The following MAOB variants were observed in gnomAD, a reference collection of about 807,000 sequenced individuals.
MAOB encodes monoamine oxidase B.
Under a neutral mutation model 41.9 loss-of-function variants are expected in MAOB, and 15 were observed. The ratio of observed to expected loss-of-function variants is 0.36; its 90% CI spans 0.24 to 0.55. MAOB has a LOEUF of 0.55. MAOB is among the 20% of genes least tolerant of loss of function. The pLI, the probability that MAOB is intolerant of heterozygous loss-of-function variation, is 0.86. For missense variants in MAOB, 345 were observed against 398.7 expected, an observed-to-expected ratio of 0.87 and a Z score of 1.15; for synonymous variants, 167 against 144.2, an observed-to-expected ratio of 1.16 and a Z score of -1.13.
At position 43,767,406 on chromosome X, in the gene MAOB, C is replaced by T; in HGVS notation, c.*60G>A. 9.0e-7 allele frequency: 1 copy of T among 1,106,018 alleles called. No homozygotes were observed. Among genetic ancestry groups the T allele is most frequent in the Non-Finnish European group, 1.2e-6 (1 of 818,881 alleles). 91.1% of individuals were successfully genotyped at this position (1,106,018 alleles called of 1,213,427 possible). A position where few individuals can be genotyped will look rare whatever the true frequency, so the allele number is the denominator to read the frequency against. ...TCATGGAACTTTACTGCAACTCTTT[C>T]CCCAAACTCATATCCCAAATACAGT... is the stretch of plus-strand genomic sequence containing the variant. On this transcript the variant is annotated 3_prime_UTR_variant, in exon 15 of 15. Coordinates refer to ENST00000378069, the MANE Select transcript of MAOB (RefSeq NM_000898.5).
intron 9 of MAOB, among the ~76,000 whole-genome samples, 158 bp downstream of exon 9, chrX:43,781,290 A>G (rs370041707): frequency 1.7e-4 from 19 of 112,152 alleles, no homozygotes; most frequent in African/African-American, 5.8e-4. Flanking sequence ...CATTATTTAG[A>G]AAAGAACCAG....
At chrX:43,810,665 G>A (rs1365794972) in intron 3 of MAOB, among the ~76,000 whole-genome samples, 1 of 111,699 alleles carries the variant, frequency 9.0e-6, no homozygotes, top group African/African-American at 3.3e-5. Flanking sequence ...AGGATTACAC[G>A]ATGATTTTTA....
chrX:43,822,947 C>T (rs111887177), intron 3 of MAOB, among the ~76,000 whole-genome samples: 1,490 of 110,546 alleles, frequency 0.013, 40 homozygotes, highest in African/African-American at 0.045. Context: ...ATACTAAAAT[C>T]CTTTTAATAA....
chrX:43,788,034 C>A (rs1489833529), intron 8 of MAOB, among the ~76,000 whole-genome samples: 2 of 111,290 alleles, frequency 1.8e-5, no homozygotes, highest in African/African-American at 6.5e-5. Context: ...AAGATATTTA[C>A]TTGGCTCATG....
chrX:43,789,821 C>T (rs1428826132), intron 8 of MAOB, among the ~76,000 whole-genome samples: 1 of 111,672 alleles, frequency 9.0e-6, no homozygotes, highest in Non-Finnish European at 1.9e-5. Flanking sequence ...ATTTGCTTGA[C>T]CACAAGATCA....
rs779955374 is a variant in MAOB, at chrX:43,864,222, T to C, written c.46+18032A>G. Among the ~76,000 whole-genome samples, 3 of 111,588 alleles carry C rather than the reference T, an allele frequency of 2.7e-5. No homozygotes were observed. In the South Asian group the frequency reaches 1.1e-3, roughly 42 times the overall value. On this transcript the variant is annotated intron_variant, in intron 1 of 14. Coordinates refer to ENST00000378069, the MANE Select transcript of MAOB (RefSeq NM_000898.5). ...TTCATATATGCACACATTAAATATA[T>C]ACGTATTTTCTCTAGTTGGAGTTTT...
intron 1 of MAOB, among the ~76,000 whole-genome samples, chrX:43,880,588 T>C (rs148279406): frequency 1.4e-4 from 16 of 112,576 alleles, no homozygotes; most frequent in African/African-American, 5.2e-4. Flanking sequence ...TTCCGTGGAA[T>C]GTTCTTGAGA....
intron 11 of MAOB, 122 bp from the exon 12 acceptor site, chrX:43,775,394 A>G (rs2034242582): frequency 9.5e-7 from 1 of 1,051,631 alleles, no homozygotes; most frequent in Non-Finnish European, 1.2e-6. Flanking sequence ...ATAGAGTTGC[A>G]TTATCCTGAT....
chrX:43,861,844 C>G (rs1438696588), intron 1 of MAOB, among the ~76,000 whole-genome samples: 1 of 108,111 alleles, frequency 9.2e-6, no homozygotes, highest in African/African-American at 3.5e-5. Flanking sequence ...TAGCATTATG[C>G]TCCAGCTGAA....
intron 7 of MAOB, among the ~76,000 whole-genome samples, chrX:43,794,197 G>A (rs2034499245): frequency 9.0e-6 from 1 of 111,681 alleles, no homozygotes; most frequent in Non-Finnish European, 1.9e-5. Flanking sequence ...TCACCTTGCT[G>A]TTCCTTGGTC....
At chrX:43,868,757 C>G (rs1288503211) in intron 1 of MAOB, among the ~76,000 whole-genome samples, 1 of 111,097 alleles carries the variant, frequency 9.0e-6, no homozygotes, top group East Asian at 2.8e-4. Flanking sequence ...AGGTAAAGCT[C>G]TTTCACGGCA....
At chrX:43,857,262 C>A (rs1272619895) in intron 1 of MAOB, among the ~76,000 whole-genome samples, 3 of 102,467 alleles carry the variant, frequency 2.9e-5, no homozygotes, top group African/African-American at 1.1e-4. Context: ...CTCACCGCAA[C>A]CTCTACCTCC....
intron 12 of MAOB, among the ~76,000 whole-genome samples, chrX:43,774,405 G>A (rs779650477): frequency 9.0e-6 from 1 of 111,700 alleles, no homozygotes; most frequent in South Asian, 3.7e-4. Flanking sequence ...TGTGAATTAC[G>A]TCTCAATAAG....
intron 1 of MAOB, among the ~76,000 whole-genome samples, chrX:43,857,121 AGAGAG>A: frequency 1.4e-4 from 1 of 7,072 alleles, no homozygotes; most frequent in African/African-American, 5.2e-4. Flanking sequence ...ATATATAGAG[AGAGAG>A]AGAGAGAGAG....
At chrX:43,851,028 T>G (rs2035248063) in intron 1 of MAOB, among the ~76,000 whole-genome samples, 1 of 112,196 alleles carries the variant, frequency 8.9e-6, no homozygotes, top group Non-Finnish European at 1.9e-5. Flanking sequence ...GTCTCTACCC[T>G]TTGTTGTTTG....
chrX:43,811,997 C>T (rs2034753089), intron 3 of MAOB, among the ~76,000 whole-genome samples: 1 of 111,688 alleles, frequency 9.0e-6, no homozygotes, highest in Non-Finnish European at 1.9e-5. Context: ...CAACATTCTA[C>T]TATCCTTCCC....
chrX:43,791,858 GTATTAAAGCAGC>G (rs2034467121), intron 8 of MAOB, among the ~76,000 whole-genome samples: 1 of 112,726 alleles, frequency 8.9e-6, no homozygotes, highest in Non-Finnish European at 1.9e-5. Flanking sequence ...AGTGACTAGT[GTATTAAAGCAGC>G]TCTAGAACAT....
chrX:43,783,775 CAATT>C (rs935806063), intron 8 of MAOB, among the ~76,000 whole-genome samples: 2 of 111,621 alleles, frequency 1.8e-5, no homozygotes, highest in African/African-American at 6.5e-5. Context: ...TTTGCCACAT[CAATT>C]GACTCCTTTT....
At chrX:43,847,926 T>C (rs957024574) in intron 1 of MAOB, among the ~76,000 whole-genome samples, 5 of 112,264 alleles carry the variant, frequency 4.5e-5, no homozygotes, top group Non-Finnish European at 7.5e-5. Flanking sequence ...ACACAAATAA[T>C]GGTAGACTAA....
Sources: allele counts gnomAD v4.1 joint callset (sites outside exome capture counted in the v4.1 genomes callset), GRCh38; gene constraint gnomAD v4.1.1; transcripts MANE v1.5; gene names NCBI Gene and HGNC (gene_info 2026-07-23, HGNC 2026-07-21).